NLGN1: variants seen among roughly 807,000 people sequenced by gnomAD.
NLGN1 encodes the protein neuroligin 1, also known as neuroligin-1.
Under a neutral mutation model 65.5 loss-of-function variants are expected in NLGN1, and 12 were observed. That is an observed-to-expected ratio of 0.18 (90% CI 0.12 to 0.30). The LOEUF (loss-of-function observed/expected upper bound fraction) is 0.30, where lower values mean the gene tolerates loss of function less well. Ranked by LOEUF, NLGN1 falls within the 10% of genes least tolerant of loss-of-function variation. The pLI, the probability that NLGN1 is intolerant of heterozygous loss-of-function variation, is 1.00. For missense variants in NLGN1, 750 were observed against 1,007.1 expected (o/e 0.74, Z 3.46); for synonymous variants, 350 against 359.5 (o/e 0.97, Z 0.30).
intron 2 of NLGN1, among the ~76,000 whole-genome samples, chr3:173,466,031 A>C (rs917130694): frequency 1.3e-5 from 2 of 152,356 alleles, no homozygotes; most frequent in South Asian, 2.1e-4. Flanking sequence ...TTATAAACAA[A>C]GATAAATAGA....
At chr3:173,666,095 A>C (rs1204001530) in intron 3 of NLGN1, among the ~76,000 whole-genome samples, 4 of 152,160 alleles carry the variant, frequency 2.6e-5, no homozygotes, top group Non-Finnish European at 4.4e-5. Flanking sequence ...ACTTGGAGAA[A>C]GCATCATGCC....
chr3:173,983,475 A>C (rs1301725360), intron 4 of NLGN1, among the ~76,000 whole-genome samples: 1 of 152,116 alleles, frequency 6.6e-6, no homozygotes, highest in Non-Finnish European at 1.5e-5. Flanking sequence ...AATCAGAGAC[A>C]TGTGTATCCT....
intron 2 of NLGN1, among the ~76,000 whole-genome samples, chr3:173,495,706 A>T (rs1391964522): frequency 1.4e-5 from 2 of 141,706 alleles, no homozygotes; most frequent in African/African-American, 5.1e-5. Context: ...AACTCTATTG[A>T]GGTATAAATT....
chr3:173,990,456 A>T (rs887782385), intron 4 of NLGN1, among the ~76,000 whole-genome samples: 2 of 152,164 alleles, frequency 1.3e-5, no homozygotes, highest in African/African-American at 2.4e-5. Flanking sequence ...CTTATTTGAA[A>T]TTTTTTGCAA....
At chr3:173,900,134 A>C (rs1737064333) in intron 4 of NLGN1, among the ~76,000 whole-genome samples, 2 of 152,148 alleles carry the variant, frequency 1.3e-5, no homozygotes, top group Non-Finnish European at 2.9e-5. Flanking sequence ...GATAATGCTC[A>C]AAACAGAGAA....
intron 3 of NLGN1, among the ~76,000 whole-genome samples, chr3:173,763,043 A>G (rs1459007705): frequency 6.6e-6 from 1 of 151,700 alleles, no homozygotes; most frequent in Non-Finnish European, 1.5e-5. Flanking sequence ...ATGTTCCTAC[A>G]GACTGCACCC....
intron 4 of NLGN1, among the ~76,000 whole-genome samples, chr3:173,836,738 C>T (rs1178992093): frequency 1.3e-5 from 2 of 152,128 alleles, no homozygotes; most frequent in East Asian, 1.9e-4. Flanking sequence ...ATGCCCATCA[C>T]CATCCATGTG....
chr3:174,086,768 A>C (rs964530851), intron 4 of NLGN1, among the ~76,000 whole-genome samples: 1 of 152,114 alleles, frequency 6.6e-6, no homozygotes. Context: ...AAAATAAAAT[A>C]ATATGTAACA....
intron 4 of NLGN1, among the ~76,000 whole-genome samples, chr3:173,966,885 T>A (rs926523676): frequency 6.6e-6 from 1 of 152,158 alleles, no homozygotes; most frequent in Admixed American, 6.5e-5. Flanking sequence ...ATGAACCAAG[T>A]TTTTAGGTTT....
chr3:173,973,874 G>A (rs536309149), intron 4 of NLGN1, among the ~76,000 whole-genome samples: 1 of 151,912 alleles, frequency 6.6e-6, no homozygotes, highest in African/African-American at 2.4e-5. Flanking sequence ...GTGTTTTTCT[G>A]GTTACACCCT....
intron 4 of NLGN1, among the ~76,000 whole-genome samples, chr3:173,936,188 A>G (rs1400964930): frequency 6.6e-6 from 1 of 151,682 alleles, no homozygotes; most frequent in South Asian, 2.1e-4. Flanking sequence ...TATTGTGTTT[A>G]TATGTTTCAA....
intron 4 of NLGN1, among the ~76,000 whole-genome samples, chr3:173,881,327 G>A (rs1027557562): frequency 5.3e-5 from 8 of 150,880 alleles, no homozygotes; most frequent in African/African-American, 1.7e-4. Context: ...TCAATCTCCT[G>A]ACCTTGTGAT....
chr3:173,511,728 A>G (rs1733008432), intron 2 of NLGN1, among the ~76,000 whole-genome samples: 1 of 151,702 alleles, frequency 6.6e-6, no homozygotes, highest in Non-Finnish European at 1.5e-5. Context: ...TCAAGCTCAG[A>G]GATTTTTTTC....
chr3:173,878,780 G>T (rs1411933357), intron 4 of NLGN1, among the ~76,000 whole-genome samples: 1 of 151,654 alleles, frequency 6.6e-6, no homozygotes, highest in African/African-American at 2.4e-5. Context: ...TAGCAGAGAA[G>T]AAAACAATTA....
At chr3:173,661,072 C>A (rs1186821261) in intron 3 of NLGN1, among the ~76,000 whole-genome samples, 1 of 151,952 alleles carries the variant, frequency 6.6e-6, no homozygotes, top group Non-Finnish European at 1.5e-5. Context: ...CAGTAATCCA[C>A]TTGAGATTGT....
chr3:173,497,565 G>T (rs2149039815), intron 2 of NLGN1, among the ~76,000 whole-genome samples: 1 of 151,548 alleles, frequency 6.6e-6, no homozygotes, highest in East Asian at 1.9e-4. Context: ...ATAATTTTAA[G>T]AGCACACTTT....
intron 2 of NLGN1, among the ~76,000 whole-genome samples, chr3:173,511,994 C>A (rs144483369): frequency 1.3e-5 from 2 of 152,250 alleles, no homozygotes; most frequent in African/African-American, 4.8e-5. Context: ...CCACTCAACC[C>A]CTCATGGGTG....
intron 3 of NLGN1, among the ~76,000 whole-genome samples, chr3:173,770,300 T>C (rs566851436): frequency 9.9e-5 from 15 of 152,230 alleles, no homozygotes; most frequent in African/African-American, 3.1e-4. Context: ...ATGTAAAACA[T>C]TTACAGAACT....
chr3:173,729,118 C>T (rs1000955558), intron 3 of NLGN1, among the ~76,000 whole-genome samples: 1 of 151,936 alleles, frequency 6.6e-6, no homozygotes, highest in Non-Finnish European at 1.5e-5. Flanking sequence ...TTTATAAACC[C>T]AGGTCATACT....
Sources: gnomAD v4.1 joint callset for allele counts (sites outside exome capture counted in the v4.1 genomes callset) on GRCh38, gnomAD v4.1.1 for gene constraint, MANE v1.5 for transcripts, NCBI Gene and HGNC (gene_info 2026-07-23, HGNC 2026-07-21) for gene names.